Variants in BMAL2 observed in about 807,000 individuals in gnomAD.
The protein encoded by BMAL2 is basic helix-loop-helix ARNT like 2, also known as basic helix-loop-helix ARNT-like protein 2.
chr12:27,361,434 T>C, the BMAL2 span, among the ~76,000 whole-genome samples: 4 of 152,190 alleles, frequency 2.6e-5, no homozygotes, highest in Admixed American at 2.0e-4. Context: ...TCGTTTAACC[T>C]AAATTCTGTA....
the BMAL2 span, among the ~76,000 whole-genome samples, chr12:27,355,571 C>A: frequency 6.6e-6 from 1 of 152,184 alleles, no homozygotes; most frequent in African/African-American, 2.4e-5. Context: ...GTGATAGACA[C>A]CACTTACCTG....
chr12:27,386,560 C>G, the BMAL2 span, among the ~76,000 whole-genome samples: 20 of 152,176 alleles, frequency 1.3e-4, no homozygotes, highest in Admixed American at 2.0e-4. Context: ...CCCTGTCCTT[C>G]TACCTCAACA....
chr12:27,337,149 T>C, the BMAL2 span, among the ~76,000 whole-genome samples: 1 of 151,992 alleles, frequency 6.6e-6, no homozygotes, highest in African/African-American at 2.4e-5. Context: ...GATGGTACCA[T>C]TACAGCGAGA....
the BMAL2 span, among the ~76,000 whole-genome samples, chr12:27,364,377 G>A: frequency 6.6e-6 from 1 of 152,022 alleles, no homozygotes; most frequent in South Asian, 2.1e-4. Flanking sequence ...AGGGAGTCCC[G>A]TTTCATCTTT....
the BMAL2 span, among the ~76,000 whole-genome samples, chr12:27,350,994 C>CCTTTT: frequency 2.1e-5 from 2 of 94,278 alleles, no homozygotes; most frequent in African/African-American, 8.7e-5. Context: ...CCCACCCCCC[C>CCTTTT]TTTTTTTTTT....
At chr12:27,415,902 T>A in the BMAL2 span, 715 of 1,608,404 alleles carry the variant, frequency 4.4e-4, no homozygotes, top group Non-Finnish European at 5.9e-4. Flanking sequence ...ATGATTCGAG[T>A]CCAACAGGTT....
chr12:27,419,912 T>A, the BMAL2 span, among the ~76,000 whole-genome samples: 1 of 152,164 alleles, frequency 6.6e-6, no homozygotes. Flanking sequence ...ATAAGAAAAT[T>A]CCAAATCTTT....
the BMAL2 span, chr12:27,394,392 G>A: frequency 6.6e-6 from 1 of 152,072 alleles, no homozygotes; most frequent in Non-Finnish European, 1.5e-5. Context: ...CTTCCACACT[G>A]TATTGAAATT....
chr12:27,387,021 T>C, the BMAL2 span, among the ~76,000 whole-genome samples: 2 of 152,176 alleles, frequency 1.3e-5, no homozygotes, highest in Non-Finnish European at 1.5e-5. Context: ...AAAACATTAA[T>C]TTAGAATAGG....
At chr12:27,403,090 T>C in the BMAL2 span, among the ~76,000 whole-genome samples, 19 of 152,210 alleles carry the variant, frequency 1.2e-4, no homozygotes, top group Admixed American at 4.6e-4. Flanking sequence ...CGAAAAGTAT[T>C]GGGGGAGTTT....
the BMAL2 span, among the ~76,000 whole-genome samples, chr12:27,377,063 C>T: frequency 1.4e-5 from 2 of 142,372 alleles, no homozygotes; most frequent in African/African-American, 5.2e-5. Context: ...ATTATTTCAA[C>T]ATATTTTTTC....
chr12:27,350,479 TGAA>T, the BMAL2 span, among the ~76,000 whole-genome samples: 3 of 152,170 alleles, frequency 2.0e-5, no homozygotes, highest in African/African-American at 7.2e-5. Context: ...TGGGAAAACA[TGAA>T]GATGTTCCAC....
chr12:27,362,306 G>A, the BMAL2 span, among the ~76,000 whole-genome samples: 3 of 152,170 alleles, frequency 2.0e-5, no homozygotes, highest in African/African-American at 7.2e-5. Context: ...TCATGTGGTA[G>A]GTGGTGATCC....
At chr12:27,346,551 C>T in the BMAL2 span, among the ~76,000 whole-genome samples, 3 of 152,210 alleles carry the variant, frequency 2.0e-5, no homozygotes, top group African/African-American at 7.2e-5. Context: ...GCGTGAGCCA[C>T]CATGCCCGGC....
the BMAL2 span, among the ~76,000 whole-genome samples, chr12:27,347,977 T>G: frequency 1.3e-5 from 2 of 152,212 alleles, no homozygotes; most frequent in Admixed American, 6.5e-5. Flanking sequence ...AGACATGTCA[T>G]AATCAGGTAA....
the BMAL2 span, among the ~76,000 whole-genome samples, chr12:27,339,807 T>G: frequency 6.6e-6 from 1 of 151,988 alleles, no homozygotes; most frequent in Non-Finnish European, 1.5e-5. Flanking sequence ...TGGTATGAGG[T>G]GGTAATCTGA....
At chr12:27,400,423 A>T in the BMAL2 span, 1 of 927,418 alleles carries the variant, frequency 1.1e-6, no homozygotes, top group African/African-American at 1.7e-5. Context: ...ATTTTAGCAT[A>T]TTTAAAGAGC....
At chr12:27,384,910 T>C in the BMAL2 span, among the ~76,000 whole-genome samples, 3 of 152,332 alleles carry the variant, frequency 2.0e-5, no homozygotes, top group Admixed American at 6.5e-5. Flanking sequence ...CATTTTATTA[T>C]AATGTTTTTA....
chr12:27,337,889 A>G, the BMAL2 span, among the ~76,000 whole-genome samples: 2 of 152,092 alleles, frequency 1.3e-5, no homozygotes, highest in Non-Finnish European at 2.9e-5. Context: ...TCCTCATGCA[A>G]CCTTCCCAGA....
Sources: gnomAD v4.1 joint callset for allele counts (sites outside exome capture counted in the v4.1 genomes callset) on GRCh38, gnomAD v4.1.1 for gene constraint, MANE v1.5 for transcripts, NCBI Gene and HGNC (gene_info 2026-07-23, HGNC 2026-07-21) for gene names.